The following MEIG1 variants were observed in gnomAD, a reference collection of about 807,000 sequenced individuals.
MEIG1 encodes the protein meiosis/spermiogenesis associated 1.
In MEIG1, 12 loss-of-function variants were observed where a neutral mutation model predicts 11.3. The ratio of observed to expected loss-of-function variants is 1.07; its 90% CI spans 0.68 to 1.73. The LOEUF (loss-of-function observed/expected upper bound fraction) is 1.73. Ranked by LOEUF, MEIG1 falls within the 40% of genes most tolerant of loss-of-function variation. The probability of loss-of-function intolerance (pLI) is 0.00; values close to 1 mark genes in which losing one functional copy is unlikely to be tolerated. For missense variants in MEIG1, 119 were observed against 104.9 expected, an observed-to-expected ratio of 1.13 and a Z score of -0.59; for synonymous variants, 41 against 33.2, an observed-to-expected ratio of 1.24 and a Z score of -0.81.
At chr10:14,984,093 A>C (rs1843291758) in intron 1 of MEIG1, among the ~76,000 whole-genome samples, 1 of 152,084 alleles carries the variant, frequency 6.6e-6, no homozygotes, top group Admixed American at 6.6e-5. Context: ...TATAGTTGGT[A>C]ATTTCCAGAG....
chr10:14,986,900 C>A (rs1334766890), exon 2 of MEIG1: 5 of 543,972 alleles, frequency 9.2e-6, no homozygotes, highest in Non-Finnish European at 1.3e-5. Flanking sequence ...GGGTCACAGA[C>A]AAAATGAGAG....
downstream of MEIG1, among the ~76,000 whole-genome samples, chr10:14,975,398 C>T (rs566507588): frequency 2.0e-5 from 3 of 151,878 alleles, no homozygotes; most frequent in South Asian, 4.2e-4. Context: ...TGATATGACT[C>T]CCAATATGGC....
At chr10:14,981,306 G>A (rs1473405563) in intron 1 of MEIG1, among the ~76,000 whole-genome samples, 1 of 151,912 alleles carries the variant, frequency 6.6e-6, no homozygotes, top group East Asian at 1.9e-4. Flanking sequence ...TGACTCCCGT[G>A]GTGGGTAACT....
chr10:14,982,326 C>A (rs1488273085), intron 1 of MEIG1, among the ~76,000 whole-genome samples: 1 of 152,024 alleles, frequency 6.6e-6, no homozygotes, highest in Non-Finnish European at 1.5e-5. Flanking sequence ...GTTCGTGGTA[C>A]CTGGGTCCTT....
At chr10:14,973,150 G>A (rs1007913495), downstream of MEIG1, among the ~76,000 whole-genome samples, 1 of 152,132 alleles carries the variant, frequency 6.6e-6, no homozygotes, top group African/African-American at 2.4e-5. Context: ...TCAGGTGTGA[G>A]CCACCACACC....
chr10:14,965,962 G>C (rs1159683586), intron 1 of MEIG1, among the ~76,000 whole-genome samples: 2 of 151,994 alleles, frequency 1.3e-5, no homozygotes, highest in East Asian at 3.9e-4. Context: ...CCACAAAATA[G>C]AGCATGAATC....
upstream of MEIG1, among the ~76,000 whole-genome samples, chr10:14,958,846 A>G (rs1305282763): frequency 2.6e-5 from 4 of 152,138 alleles, no homozygotes; most frequent in East Asian, 7.7e-4. Flanking sequence ...CAGTGAGCCG[A>G]GATAGCACCA....
downstream of MEIG1, among the ~76,000 whole-genome samples, chr10:14,974,246 T>A (rs1564507442): frequency 6.6e-6 from 1 of 152,134 alleles, no homozygotes. Flanking sequence ...TGGTGCATAT[T>A]CCTCTAGCCA....
chr10:14,980,746 T>G (rs12265279), intron 1 of MEIG1, among the ~76,000 whole-genome samples: 16 of 152,182 alleles, frequency 1.1e-4, no homozygotes, highest in African/African-American at 3.9e-4. Context: ...TTCTTGAACC[T>G]TTGGGGAAGA....
chr10:14,985,408 C>G (rs535847665), intron 1 of MEIG1, among the ~76,000 whole-genome samples: 1 of 151,942 alleles, frequency 6.6e-6, no homozygotes, highest in Non-Finnish European at 1.5e-5. Flanking sequence ...CTGATATGAT[C>G]GGTTATATCC....
chr10:14,974,172 C>G (rs929113565), downstream of MEIG1, among the ~76,000 whole-genome samples: 2 of 152,136 alleles, frequency 1.3e-5, no homozygotes, highest in Admixed American at 6.6e-5. Flanking sequence ...TCATGTGGGT[C>G]CATCTGGGGG....
downstream of MEIG1, among the ~76,000 whole-genome samples, chr10:14,973,576 T>A (rs1419823591): frequency 6.6e-6 from 1 of 152,008 alleles, no homozygotes; most frequent in African/African-American, 2.4e-5. Flanking sequence ...AAGACCATCC[T>A]GGCTAGCAGG....
At chr10:14,974,014 A>G (rs1185491860), downstream of MEIG1, among the ~76,000 whole-genome samples, 4 of 152,144 alleles carry the variant, frequency 2.6e-5, no homozygotes, top group Non-Finnish European at 4.4e-5. Context: ...GGCCTTACAC[A>G]GTCTCTCGTA....
At chr10:14,985,875 T>TAC (rs1843313587) in intron 1 of MEIG1, among the ~76,000 whole-genome samples, 1 of 152,040 alleles carries the variant, frequency 6.6e-6, no homozygotes, top group African/African-American at 2.4e-5. Context: ...CCTAGGGAGA[T>TAC]ACAACTCCTG....
chr10:14,979,184 A>G (rs374673107), intron 1 of MEIG1, among the ~76,000 whole-genome samples: 4 of 151,906 alleles, frequency 2.6e-5, no homozygotes, highest in Admixed American at 2.6e-4. Context: ...TAAATATCAC[A>G]AAGGTTGTAC....
intron 2 of MEIG1, among the ~76,000 whole-genome samples, chr10:14,972,129 C>T (rs746649110): frequency 1.3e-5 from 2 of 151,930 alleles, no homozygotes; most frequent in Non-Finnish European, 2.9e-5. Context: ...ATTCTTCTGC[C>T]TCAGCCCCCT....
chr10:14,958,381 T>G (rs898619000), upstream of MEIG1, among the ~76,000 whole-genome samples: 3 of 152,232 alleles, frequency 2.0e-5, no homozygotes, highest in Admixed American at 6.5e-5. Context: ...TATAATTTAA[T>G]TTGTGATATG....
At position 14,959,461 on chromosome 10, in the gene MEIG1, A is replaced by G. The variant is rs1218517144; in HGVS notation, c.-126A>G. The G allele has an allele frequency of 6.6e-6, 1 of 152,588 alleles. No homozygotes were observed. Among genetic ancestry groups the G allele is most frequent in the African/African-American group, 2.4e-5 (1 of 41,464 alleles). The allele number at this position is 152,588 out of a possible 1,614,324, so 9.5% of individuals were successfully genotyped here. A position where few individuals can be genotyped will look rare whatever the true frequency, so the allele number is the denominator to read the frequency against. ...GGCCCTGCTCGCGGATCCCGAGTAG[A>G]GAACGCAAGCACCCACGCCCGCCTG... On this transcript the variant is annotated 5_prime_UTR_variant, in exon 1 of 3. Transcript: ENST00000407572.
intron 1 of MEIG1, among the ~76,000 whole-genome samples, chr10:14,963,913 A>G (rs1406387039): frequency 6.6e-6 from 1 of 152,176 alleles, no homozygotes; most frequent in Non-Finnish European, 1.5e-5. Context: ...CCTGGCTAAC[A>G]CAGTGAAACC....
Sources: gnomAD v4.1 joint callset for allele counts (sites outside exome capture counted in the v4.1 genomes callset) on GRCh38, gnomAD v4.1.1 for gene constraint, MANE v1.5 for transcripts, NCBI Gene and HGNC (gene_info 2026-07-23, HGNC 2026-07-21) for gene names.